The following IPO8 variants were observed in gnomAD, a reference collection of about 807,000 sequenced individuals.
IPO8 encodes importin 8, also known as importin-8.
IPO8 carries 65 observed loss-of-function variants against 141.2 expected under a neutral mutation model. That is an observed-to-expected ratio of 0.46 (90% CI 0.38 to 0.57). The LOEUF (loss-of-function observed/expected upper bound fraction) is 0.57, where lower values mean the gene tolerates loss of function less well. Among genes scored for constraint, IPO8 ranks in the 20% least tolerant of loss-of-function variants. IPO8 has a pLI of 0.00. For missense variants in IPO8, 980 were observed against 1,246.8 expected (o/e 0.79, Z 3.22); for synonymous variants, 411 against 420.3 (o/e 0.98, Z 0.27).
chr12:30,649,313 T>C (rs955853798), intron 19 of IPO8, 81 bp from the exon 20 acceptor site: 2 of 944,306 alleles, frequency 2.1e-6, no homozygotes, highest in Non-Finnish European at 3.2e-6. Context: ...ATGTCCCATA[T>C]AAATTCAGCC....
chr12:30,674,579 G>A (rs1414023000), intron 7 of IPO8, 80 bp downstream of exon 7: 19 of 1,031,446 alleles, frequency 1.8e-5, no homozygotes, highest in African/African-American at 9.4e-5. Context: ...CTTGGCTCTC[G>A]GTGGCTCTAA....
intron 17 of IPO8, among the ~76,000 whole-genome samples, chr12:30,654,459 T>C (rs2052771267): frequency 6.6e-6 from 1 of 151,884 alleles, no homozygotes; most frequent in Non-Finnish European, 1.5e-5. Context: ...AGAGAAAATA[T>C]TTATAATCTA....
At chr12:30,652,873 A>C in intron 18 of IPO8, 94 bp downstream of exon 18, 1 of 1,146,906 alleles carries the variant, frequency 8.7e-7, no homozygotes. Flanking sequence ...TTTTCTGATC[A>C]ATATTGGAAT....
intron 1 of IPO8, among the ~76,000 whole-genome samples, chr12:30,690,961 G>A (rs558880467): frequency 6.6e-6 from 1 of 152,002 alleles, no homozygotes; most frequent in South Asian, 2.1e-4. Flanking sequence ...TTACTAAGGA[G>A]GTTGGGTGTT....
chr12:30,639,614 A>T lies in IPO8; in HGVS notation c.2390T>A (p.Leu797Gln). Reference protein sequence around the residue: ...IAALYYNPDLLLHTLERIQLP... With the variant: ...IAALYYNPDLQLHTLERIQLP... ...CTGAATTCGTTCTAAAGTATGTAGCAGCAAATCAGGGTTGTAGTACAAGGC... is the reference window on the plus strand; with the variant it reads ...CTGAATTCGTTCTAAAGTATGTAGCTGCAAATCAGGGTTGTAGTACAAGGC... Residue 797 changes from leucine (L) to glutamine (Q), a missense_variant, in exon 21 of 25, where the codon CTG becomes CAG. Transcript: ENST00000256079. 6.2e-7 allele frequency: 1 copy of T among 1,614,106 alleles called. No homozygotes were observed. The highest frequency in any genetic ancestry group is 8.5e-7 in the Non-Finnish European group (1 of 1,179,944).
At chr12:30,633,667 T>C (rs910622191) in intron 23 of IPO8, among the ~76,000 whole-genome samples, 1 of 152,226 alleles carries the variant, frequency 6.6e-6, no homozygotes, top group Non-Finnish European at 1.5e-5. Flanking sequence ...AGTCACCCTC[T>C]TACGGCAGCA....
At chr12:30,683,400 A>G (rs1484104910) in intron 3 of IPO8, among the ~76,000 whole-genome samples, 2 of 152,124 alleles carry the variant, frequency 1.3e-5, no homozygotes, top group African/African-American at 4.8e-5. Context: ...TGGCTATTAG[A>G]TACTAAGGGC....
At chr12:30,653,982 A>G (rs574045972) in intron 17 of IPO8, among the ~76,000 whole-genome samples, 8 of 152,106 alleles carry the variant, frequency 5.3e-5, no homozygotes. Context: ...AAGTTCTAGC[A>G]TGGCACTGGG....
chr12:30,654,943 A>G (rs1197845386), intron 17 of IPO8, among the ~76,000 whole-genome samples: 1 of 152,142 alleles, frequency 6.6e-6, no homozygotes, highest in East Asian at 1.9e-4. Context: ...AAGATATGAA[A>G]ATACCTAAGT....
chr12:30,639,387 T>C (rs2052546899), intron 21 of IPO8, 128 bp downstream of exon 21: 1 of 629,468 alleles, frequency 1.6e-6, no homozygotes, highest in Non-Finnish European at 2.8e-6. Context: ...AAAAATTAAA[T>C]ATTAACAATA....
intron 19 of IPO8, among the ~76,000 whole-genome samples, chr12:30,651,221 T>A (rs1275160722): frequency 6.6e-6 from 1 of 152,118 alleles, no homozygotes; most frequent in Admixed American, 6.6e-5. Context: ...GATTATGATT[T>A]AACAACATGG....
At chr12:30,650,474 C>T (rs146229817) in intron 19 of IPO8, among the ~76,000 whole-genome samples, 55 of 152,108 alleles carry the variant, frequency 3.6e-4, no homozygotes, top group African/African-American at 1.2e-3. Flanking sequence ...ATTTAAAATG[C>T]TATCTCTAGG....
At chr12:30,657,181 G>A (rs917802019) in intron 16 of IPO8, among the ~76,000 whole-genome samples, 6 of 152,050 alleles carry the variant, frequency 3.9e-5, no homozygotes, top group Non-Finnish European at 8.8e-5. Flanking sequence ...AAAAAAAAAT[G>A]AGTGAAATAT....
chr12:30,685,993 G>A (rs1027781327), intron 2 of IPO8, among the ~76,000 whole-genome samples: 3 of 149,858 alleles, frequency 2.0e-5, no homozygotes, highest in Non-Finnish European at 4.4e-5. Flanking sequence ...AAACTTAAAA[G>A]AAATTTAGTG....
chr12:30,693,891 A>G (rs1321610473), intron 1 of IPO8, among the ~76,000 whole-genome samples: 1 of 152,110 alleles, frequency 6.6e-6, no homozygotes, highest in African/African-American at 2.4e-5. Flanking sequence ...CGGCCATACC[A>G]CCCTGAACGT....
In IPO8 at chr12:30,674,023, G is replaced by T; in HGVS notation, c.876C>A (p.Phe292Leu). 2 of 1,590,952 alleles carry T rather than the reference G, an allele frequency of 1.3e-6. No homozygotes were observed. Among genetic ancestry groups the T allele is most frequent in the Non-Finnish European group, 8.6e-7 (1 of 1,163,400 alleles). Residue 292 changes from phenylalanine to leucine, a missense_variant, in exon 8 of 25, where the codon TTC becomes TTA. Coordinates refer to ENST00000256079, the MANE Select transcript of IPO8 (RefSeq NM_006390.4). ...TGCCCACTGCATAGGTTTTCAAAAAGAATTCAGAAAATTCAAAGTATTCTT... is the reference window on the plus strand; with the variant it reads ...TGCCCACTGCATAGGTTTTCAAAAATAATTCAGAAAATTCAAAGTATTCTT... ...VTKEYFEFSEFFLKTYAVGIQ... is the reference protein window; with the variant it reads ...VTKEYFEFSELFLKTYAVGIQ...
At chr12:30,667,740 CAT>C (rs766440332) in intron 10 of IPO8, among the ~76,000 whole-genome samples, 2 of 152,182 alleles carry the variant, frequency 1.3e-5, no homozygotes, top group African/African-American at 4.8e-5. Context: ...AATCAACAGA[CAT>C]AGAGTTCTTA....
At chr12:30,645,092 G>A (rs1214563111) in intron 20 of IPO8, among the ~76,000 whole-genome samples, 1 of 152,022 alleles carries the variant, frequency 6.6e-6, no homozygotes, top group African/African-American at 2.4e-5. Context: ...AAGAGAACCA[G>A]GCCAGGTGCG....
intron 10 of IPO8, among the ~76,000 whole-genome samples, chr12:30,666,955 C>T (rs1317536675): frequency 2.0e-5 from 3 of 152,154 alleles, no homozygotes; most frequent in South Asian, 2.1e-4. Context: ...TGAATATATA[C>T]CTATCTAAAA....
Sources: gnomAD v4.1 joint callset for allele counts (sites outside exome capture counted in the v4.1 genomes callset) on GRCh38, gnomAD v4.1.1 for gene constraint, MANE v1.5 for transcripts, NCBI Gene and HGNC (gene_info 2026-07-23, HGNC 2026-07-21) for gene names.